The following OR9Q1 variants were observed in gnomAD, a reference collection of about 807,000 sequenced individuals.
The protein encoded by OR9Q1 is olfactory receptor family 9 subfamily Q member 1.
For missense variants in OR9Q1, 374 were observed against 378.8 expected, an observed-to-expected ratio of 0.99 and a Z score of 0.11; for synonymous variants, 153 against 148.6, an observed-to-expected ratio of 1.03 and a Z score of -0.22.
chr11:58,138,094 G>T (rs186383081), intron 2 of OR9Q1, among the ~76,000 whole-genome samples: 99 of 152,200 alleles, frequency 6.5e-4, no homozygotes, highest in Middle Eastern at 3.4e-3. Context: ...TCCAGCCTTC[G>T]TATCACATGC....
At chr11:58,033,750 T>C (rs1853067005) in intron 1 of OR9Q1, among the ~76,000 whole-genome samples, 1 of 151,732 alleles carries the variant, frequency 6.6e-6, no homozygotes, top group South Asian at 2.1e-4. Flanking sequence ...CCCCTGAATC[T>C]AAAATAAAAA....
intron 2 of OR9Q1, among the ~76,000 whole-genome samples, chr11:58,132,699 T>C (rs1854153334): frequency 6.6e-6 from 1 of 152,150 alleles, no homozygotes; most frequent in Non-Finnish European, 1.5e-5. Context: ...GGTATCTCCC[T>C]CATCCCCAGG....
At chr11:58,108,962 AC>A (rs1853869362) in intron 2 of OR9Q1, 1 of 396,406 alleles carries the variant, frequency 2.5e-6, no homozygotes, top group African/African-American at 2.1e-5. Context: ...GTCTTGGCTT[AC>A]CCACCTGCCG....
intron 2 of OR9Q1, chr11:58,073,072 C>T (rs1853503329): frequency 4.8e-6 from 1 of 207,808 alleles, no homozygotes; most frequent in Non-Finnish European, 1.1e-5. Flanking sequence ...ATGCCTGTCT[C>T]ATATACATAT....
intron 2 of OR9Q1, among the ~76,000 whole-genome samples, chr11:58,161,241 A>C (rs952190610): frequency 1.2e-5 from 1 of 84,468 alleles, no homozygotes; most frequent in African/African-American, 3.3e-5. Flanking sequence ...GTAAAGTATA[A>C]AAAAAAAAAA....
intron 2 of OR9Q1, among the ~76,000 whole-genome samples, chr11:58,115,643 A>G (rs1186859706): frequency 2.0e-5 from 3 of 152,188 alleles, no homozygotes; most frequent in African/African-American, 7.2e-5. Context: ...TGCCAAGGAA[A>G]GAGAGGTGTG....
chr11:58,099,306 CATAAT>C (rs3085871), intron 2 of OR9Q1, among the ~76,000 whole-genome samples: 37,549 of 147,342 alleles, frequency 0.25, 5,200 homozygotes, highest in East Asian at 0.58. Flanking sequence ...AAATATATAA[CATAAT>C]ATAATATATA....
At chr11:58,095,044 A>G (rs1285626350) in intron 2 of OR9Q1, among the ~76,000 whole-genome samples, 1 of 152,252 alleles carries the variant, frequency 6.6e-6, no homozygotes, top group African/African-American at 2.4e-5. Flanking sequence ...TGCTATTGAG[A>G]GTATTTATTG....
chr11:58,131,557 A>G (rs1422850963), intron 2 of OR9Q1, among the ~76,000 whole-genome samples: 1 of 152,020 alleles, frequency 6.6e-6, no homozygotes, highest in Non-Finnish European at 1.5e-5. Flanking sequence ...TAAATATAAA[A>G]GATTTTTTCG....
At chr11:58,175,445 C>T (rs1472427839) in intron 2 of OR9Q1, among the ~76,000 whole-genome samples, 1 of 152,126 alleles carries the variant, frequency 6.6e-6, no homozygotes, top group Non-Finnish European at 1.5e-5. Context: ...CTCTGCGAAG[C>T]CCTCCCCAGT....
chr11:58,030,868 G>A (rs999657866), intron 1 of OR9Q1: 2 of 818,758 alleles, frequency 2.4e-6, no homozygotes, highest in African/African-American at 1.7e-5. Context: ...AGGCATTTTA[G>A]TACAACATCC....
intron 1 of OR9Q1, among the ~76,000 whole-genome samples, chr11:58,053,620 T>TATATAAA (rs1243680123): frequency 4.9e-5 from 2 of 41,148 alleles, no homozygotes; most frequent in East Asian, 5.0e-3. Flanking sequence ...AAAATATATA[T>TATATAAA]ATATATAAAA....
chr11:58,080,479 C>T (rs992384476), intron 2 of OR9Q1, among the ~76,000 whole-genome samples: 1 of 152,040 alleles, frequency 6.6e-6, no homozygotes, highest in Non-Finnish European at 1.5e-5. Context: ...TTTGGTAGGA[C>T]AATTTATATT....
chr11:58,130,935 ATTAT>A (rs1247868001), intron 2 of OR9Q1, among the ~76,000 whole-genome samples: 2 of 152,284 alleles, frequency 1.3e-5, no homozygotes, highest in African/African-American at 4.8e-5. Context: ...AAAGGATGTA[ATTAT>A]TAATATCTAT....
intron 2 of OR9Q1, among the ~76,000 whole-genome samples, chr11:58,120,701 T>C (rs901429056): frequency 1.3e-5 from 2 of 151,384 alleles, no homozygotes; most frequent in African/African-American, 4.8e-5. Context: ...TTTTAGTTGG[T>C]AGCTATTGAT....
At chr11:58,053,784 C>T (rs1246906257) in intron 1 of OR9Q1, among the ~76,000 whole-genome samples, 1 of 151,378 alleles carries the variant, frequency 6.6e-6, no homozygotes. Flanking sequence ...CTATCAAAAC[C>T]CTGTCAACAT....
chr11:58,119,488 A>G, intron 2 of OR9Q1: 1 of 1,255,660 alleles, frequency 8.0e-7, no homozygotes, highest in Non-Finnish European at 1.1e-6. Context: ...AATGAAATAA[A>G]AAGAATCTCA....
intron 2 of OR9Q1, among the ~76,000 whole-genome samples, chr11:58,131,630 A>G (rs1854142409): frequency 6.6e-6 from 1 of 152,070 alleles, no homozygotes; most frequent in Non-Finnish European, 1.5e-5. Context: ...GAGTTTGTTC[A>G]ACAGCATGTG....
chr11:58,042,690 T>C (rs1291425956), intron 1 of OR9Q1, among the ~76,000 whole-genome samples: 2 of 152,126 alleles, frequency 1.3e-5, no homozygotes, highest in Non-Finnish European at 2.9e-5. Flanking sequence ...AAGAAAGTCA[T>C]TGGTAGCTTG....
Sources: allele counts gnomAD v4.1 joint callset (sites outside exome capture counted in the v4.1 genomes callset), GRCh38; gene constraint gnomAD v4.1.1; transcripts MANE v1.5; gene names NCBI Gene and HGNC (gene_info 2026-07-23, HGNC 2026-07-21).